The following DLGAP1 variants were observed in gnomAD, a reference collection of about 807,000 sequenced individuals.
The protein encoded by DLGAP1 is disks large-associated protein 1.
Under a neutral mutation model 90.8 loss-of-function variants are expected in DLGAP1, and 11 were observed. The ratio of observed to expected loss-of-function variants is 0.12; its 90% CI spans 0.08 to 0.20. DLGAP1 has a LOEUF of 0.20. DLGAP1 is among the 10% of genes least tolerant of loss of function. The pLI is 1.00. For synonymous variants in DLGAP1, 558 were observed against 540.7 expected (o/e 1.03, Z -0.44); for missense variants, 1,050 against 1,333.8 (o/e 0.79, Z 3.31).
intron 5 of DLGAP1, among the ~76,000 whole-genome samples, chr18:3,797,425 C>T (rs1279441353): frequency 6.6e-6 from 1 of 152,078 alleles, no homozygotes. Flanking sequence ...AGGAAAAGGG[C>T]CCTCAGCAGA....
At chr18:4,159,613 CCTAAA>C in intron 1 of DLGAP1, among the ~76,000 whole-genome samples, 1 of 152,168 alleles carries the variant, frequency 6.6e-6, no homozygotes, top group Admixed American at 6.5e-5. Flanking sequence ...ATCTTTGGCA[CCTAAA>C]CTCAAGTTTG....
Position 3,602,538 on chromosome 18 carries a change from G to T in DLGAP1, c.1592-20290C>A, listed in dbSNP as rs537552959. ...TGAACCCGGGAGGCGGAGCTTGCAG[G>T]GAGCCGAGATCGCGCCACCGCACTC... On this transcript the variant is annotated intron_variant, in intron 7 of 12. Transcript: ENST00000315677. Among the ~76,000 whole-genome samples, 871 of 146,540 alleles carry T rather than the reference G, an allele frequency of 5.9e-3. 5 individuals are homozygous for T. The highest frequency in any genetic ancestry group is 8.7e-3 in the Non-Finnish European group (574 of 65,636).
At chr18:4,346,490 T>C (rs1004840242) in intron 1 of DLGAP1, among the ~76,000 whole-genome samples, 1 of 152,212 alleles carries the variant, frequency 6.6e-6, no homozygotes, top group African/African-American at 2.4e-5. Flanking sequence ...TATTAAGCAC[T>C]GAGTTGGTGT....
chr18:3,879,801 G>T lies in DLGAP1; in HGVS notation c.268C>A (p.Arg90Ser). 1 of 1,607,474 alleles carries T rather than the reference G, an allele frequency of 6.2e-7. No individual in the cohort carries two copies. The highest frequency in any genetic ancestry group is 8.5e-7 in the Non-Finnish European group (1 of 1,179,886). The part of the protein sequence containing the change: ...ELKDECALVP[R>S]TLATKANRIP... ...CGGTTCGCCTTGGTGGCCAGGGTGC[G>T]GGGCACCAGGGCACACTCGTCCTTC... Residue 90 changes from arginine to serine, a missense_variant, in exon 4 of 13, where the codon CGC becomes AGC. Arg to Ser is a moderately radical substitution (Grantham distance 110). Around this residue, in one of 2 missense-constraint regions of DLGAP1, gnomAD observed 485 missense variants for 454.1 expected, o/e 1.07. Transcript: ENST00000315677. This position sits in a 1 kb window ranked among gnomAD's most constrained non-coding sequence, Gnocchi z 6.6.
chr18:3,938,412 G>A (rs547231318), intron 3 of DLGAP1, among the ~76,000 whole-genome samples: 7 of 152,246 alleles, frequency 4.6e-5, no homozygotes, highest in South Asian at 2.1e-4. Context: ...AGGAGGAGAC[G>A]TTCAAGCTGA....
chr18:3,740,953 T>TCACCAC (rs1329986957), intron 6 of DLGAP1, among the ~76,000 whole-genome samples: 1 of 96,074 alleles, frequency 1.0e-5, no homozygotes, highest in Non-Finnish European at 2.1e-5. Flanking sequence ...GCCACCACTG[T>TCACCAC]CACCACCACC....
intron 1 of DLGAP1, among the ~76,000 whole-genome samples, chr18:4,317,995 G>A (rs777236280): frequency 5.3e-5 from 8 of 152,110 alleles, no homozygotes; most frequent in South Asian, 2.1e-4. Context: ...TTACAGGCGC[G>A]TACCATCACG....
At chr18:3,557,037 G>T (rs1455271335) in intron 9 of DLGAP1, among the ~76,000 whole-genome samples, 3 of 152,072 alleles carry the variant, frequency 2.0e-5, no homozygotes, top group Non-Finnish European at 4.4e-5. Flanking sequence ...TCAATTTCAT[G>T]ATTTCTGTTA....
intron 5 of DLGAP1, among the ~76,000 whole-genome samples, chr18:3,810,262 C>T (rs2066765778): frequency 6.6e-6 from 1 of 152,096 alleles, no homozygotes; most frequent in South Asian, 2.1e-4. Context: ...GACCTTAGGC[C>T]TTATATGTCT....
At chr18:4,402,605 A>C (rs1458807145) in intron 1 of DLGAP1, among the ~76,000 whole-genome samples, 1 of 152,236 alleles carries the variant, frequency 6.6e-6, no homozygotes, top group Non-Finnish European at 1.5e-5. Flanking sequence ...ATCGGATCTC[A>C]AAGCCAATTT....
intron 2 of DLGAP1, among the ~76,000 whole-genome samples, chr18:4,149,185 T>C (rs768446953): frequency 6.6e-6 from 1 of 152,178 alleles, no homozygotes; most frequent in Admixed American, 6.5e-5. Context: ...TATTCCAACA[T>C]GTTGGTCATA....
chr18:3,728,415 A>C (rs2062276552), intron 7 of DLGAP1, among the ~76,000 whole-genome samples: 1 of 151,630 alleles, frequency 6.6e-6, no homozygotes, highest in African/African-American at 2.4e-5. Flanking sequence ...GCCCACGGCT[A>C]TATTATTATG....
At chr18:3,764,064 T>C (rs1351174540) in intron 5 of DLGAP1, among the ~76,000 whole-genome samples, 1 of 152,174 alleles carries the variant, frequency 6.6e-6, no homozygotes, top group Non-Finnish European at 1.5e-5. Flanking sequence ...AAACCACAAT[T>C]TACTGAGTGC....
chr18:3,873,920 A>G (rs772395617), intron 4 of DLGAP1, among the ~76,000 whole-genome samples: 65 of 152,296 alleles, frequency 4.3e-4, no homozygotes, highest in Non-Finnish European at 8.8e-4. Flanking sequence ...GTGTCAATTA[A>G]AGATTTTATA....
intron 7 of DLGAP1, among the ~76,000 whole-genome samples, chr18:3,645,751 T>TTC (rs1458734715): frequency 2.0e-5 from 3 of 152,252 alleles, no homozygotes; most frequent in Non-Finnish European, 4.4e-5. Flanking sequence ...GTATGCTGCC[T>TTC]TCTCTAGATA....
At chr18:4,326,073 C>T (rs982607565) in intron 1 of DLGAP1, among the ~76,000 whole-genome samples, 4 of 152,028 alleles carry the variant, frequency 2.6e-5, no homozygotes, top group African/African-American at 7.2e-5. Flanking sequence ...AGTAAACAGA[C>T]AATCTACATA....
At chr18:4,114,986 G>T (rs557677374) in intron 2 of DLGAP1, among the ~76,000 whole-genome samples, 1 of 151,742 alleles carries the variant, frequency 6.6e-6, no homozygotes, top group South Asian at 2.1e-4. Flanking sequence ...GTTTTTATTT[G>T]TTTTGTCATT....
At chr18:3,501,823 C>T (rs970575959) in intron 12 of DLGAP1, among the ~76,000 whole-genome samples, 2 of 151,552 alleles carry the variant, frequency 1.3e-5, no homozygotes, top group Admixed American at 6.6e-5. Flanking sequence ...ACACCATAAT[C>T]AAATGTGAAA....
chr18:4,040,064 T>C (rs1435093974), intron 2 of DLGAP1, among the ~76,000 whole-genome samples: 1 of 152,210 alleles, frequency 6.6e-6, no homozygotes, highest in Non-Finnish European at 1.5e-5. Context: ...TACCTATTCT[T>C]GTTTTCTAAA....
Sources: gnomAD v4.1 joint callset for allele counts (sites outside exome capture counted in the v4.1 genomes callset) on GRCh38, gnomAD v4.1.1 for gene constraint, gnomAD v4.1.1 regional missense constraint, Gnocchi (gnomAD v3.1) non-coding constraint, MANE v1.5 for transcripts, NCBI Gene and HGNC (gene_info 2026-07-23, HGNC 2026-07-21) for gene names.